Variants in MIA2 observed in about 807,000 individuals in gnomAD.
MIA2 encodes melanoma inhibitory activity protein 2.
Under a neutral mutation model 167.8 loss-of-function variants are expected in MIA2, and 127 were observed. The ratio of observed to expected loss-of-function variants is 0.76; its 90% CI spans 0.66 to 0.88. MIA2 has a LOEUF of 0.88. Among genes scored for constraint, MIA2 ranks in the 40% least tolerant of loss-of-function variants. MIA2 has a pLI of 0.00. For synonymous variants in MIA2, 552 were observed against 541.9 expected (o/e 1.02, Z -0.26); for missense variants, 1,690 against 1,624.7 (o/e 1.04, Z -0.69).
chr14:39,288,761 A>G (rs944605044), intron 9 of MIA2, among the ~76,000 whole-genome samples: 2 of 151,790 alleles, frequency 1.3e-5, no homozygotes, highest in East Asian at 1.9e-4. Context: ...GTGCCGGCCA[A>G]TTTGCATATA....
chr14:39,305,046 C>T (rs1261361325), intron 17 of MIA2, among the ~76,000 whole-genome samples: 1 of 152,146 alleles, frequency 6.6e-6, no homozygotes, highest in Non-Finnish European at 1.5e-5. Context: ...CAATGATTAT[C>T]TCTGAATATG....
At chr14:39,361,765 C>T (rs1273516322) in intron 23 of MIA2, among the ~76,000 whole-genome samples, 1 of 152,058 alleles carries the variant, frequency 6.6e-6, no homozygotes, top group Non-Finnish European at 1.5e-5. Context: ...TGATAGGAGT[C>T]ATAAAAGTGT....
intron 4 of MIA2, among the ~76,000 whole-genome samples, chr14:39,250,709 C>CAT (rs72114250): frequency 0.24 from 34,704 of 143,164 alleles, 4,905 homozygotes; most frequent in Non-Finnish European, 0.33. Flanking sequence ...AAAAAATATG[C>CAT]ATATATATAT....
intron 23 of MIA2, among the ~76,000 whole-genome samples, chr14:39,359,540 G>A (rs889760778): frequency 6.6e-6 from 1 of 152,136 alleles, no homozygotes; most frequent in Non-Finnish European, 1.5e-5. Context: ...CTCACACTCT[G>A]TGTGCTGCAC....
At chr14:39,375,339 C>T (rs114945611) in intron 23 of MIA2, among the ~76,000 whole-genome samples, 1,805 of 152,124 alleles carry the variant, frequency 0.012, 36 homozygotes, top group African/African-American at 0.04. Context: ...GAGTTTTTGC[C>T]ATGTTAAATT....
In MIA2 at chr14:39,364,228, C is replaced by T. The variant is rs149800570; in HGVS notation, c.2248+15251C>T. 6.3e-4 allele frequency among the ~76,000 whole-genome samples: 95 copies of T among 151,904 alleles called. 1 individual carries two copies. The East Asian group carries it at 0.015, about 23-fold the overall frequency. ...CAAAAATTAGCTGGGTGTGGTGGCG[C>T]GCGCCTGTAGTCCCAGCTACTCAGG... is the stretch of plus-strand genomic sequence containing the variant. On this transcript the variant is annotated intron_variant, in intron 23 of 23. Coordinates refer to the MIA2 transcript ENST00000341502.
Position 39,247,413 on chromosome 14 carries a change from CTGA to C in MIA2, c.840_842del (p.Glu281del). 6.2e-7 allele frequency: 1 copy of C among 1,614,076 alleles called. No homozygotes were observed. Among genetic ancestry groups the C allele is most frequent in the Non-Finnish European group, 8.5e-7 (1 of 1,180,018 alleles). ...CCTCAAACAGAACATCAGCAAGAATCTGAATCAGAAATTGATTCAGTGCCAAAG... is the reference window on the plus strand; with the variant it reads ...CCTCAAACAGAACATCAGCAAGAATCATCAGAAATTGATTCAGTGCCAAAG... On this transcript the variant is annotated inframe_deletion, in exon 4 of 29. Transcript: ENST00000640607.
chr14:39,374,591 T>G (rs921369481), intron 23 of MIA2, among the ~76,000 whole-genome samples: 1 of 152,088 alleles, frequency 6.6e-6, no homozygotes, highest in South Asian at 2.1e-4. Context: ...TCTATAGATA[T>G]AAATATTTTG....
intron 6 of MIA2, among the ~76,000 whole-genome samples, chr14:39,275,181 G>A (rs896798341): frequency 7.3e-6 from 1 of 136,830 alleles, no homozygotes; most frequent in Middle Eastern, 3.5e-3. Flanking sequence ...GTCCAGTTTT[G>A]TTTTGTCACC....
intron 3 of MIA2, among the ~76,000 whole-genome samples, chr14:39,246,434 T>G (rs1353265074): frequency 2.0e-5 from 3 of 152,122 alleles, no homozygotes; most frequent in African/African-American, 7.2e-5. Flanking sequence ...TAAATCATAA[T>G]GGGCCTGGGG....
At chr14:39,289,947 T>C (rs1167951668) in intron 9 of MIA2, among the ~76,000 whole-genome samples, 6 of 152,242 alleles carry the variant, frequency 3.9e-5, no homozygotes, top group Non-Finnish European at 8.8e-5. Flanking sequence ...ATCATTCTTT[T>C]CTAAGTTTGG....
At chr14:39,254,307 T>C (rs923700249) in intron 6 of MIA2, among the ~76,000 whole-genome samples, 76 of 152,182 alleles carry the variant, frequency 5.0e-4, no homozygotes, top group African/African-American at 1.8e-3. Context: ...TGATTGAACA[T>C]AGGCTGAAGT....
At chr14:39,332,063 A>C (rs936053677) in intron 25 of MIA2, among the ~76,000 whole-genome samples, 3 of 152,168 alleles carry the variant, frequency 2.0e-5, no homozygotes, top group African/African-American at 7.2e-5. Context: ...TCTCCCGATC[A>C]CTTTCAGGTA....
chr14:39,304,244 TG>T, intron 16 of MIA2, 46 bp from the exon 17 acceptor site: 1 of 869,078 alleles, frequency 1.2e-6, no homozygotes, highest in Non-Finnish European at 1.8e-6. Flanking sequence ...TTTATTTTTT[TG>T]TATAACTGAT....
chr14:39,361,573 G>C (rs993448997), intron 23 of MIA2, among the ~76,000 whole-genome samples: 2 of 151,854 alleles, frequency 1.3e-5, no homozygotes, highest in African/African-American at 4.8e-5. Flanking sequence ...TGAGTATCTG[G>C]GATTACAGAT....
At chr14:39,338,582 C>T (rs2071032677) in intron 25 of MIA2, among the ~76,000 whole-genome samples, 1 of 152,004 alleles carries the variant, frequency 6.6e-6, no homozygotes, top group African/African-American at 2.4e-5. Flanking sequence ...TGATAATATT[C>T]ACATATCATA....
intron 23 of MIA2, among the ~76,000 whole-genome samples, chr14:39,319,530 A>G (rs188035413): frequency 2.6e-5 from 4 of 152,026 alleles, no homozygotes; most frequent in African/African-American, 7.2e-5. Context: ...GTAAGATGAT[A>G]CATATTTAGT....
At chr14:39,246,160 G>A (rs534636623) in intron 3 of MIA2, among the ~76,000 whole-genome samples, 83 of 150,818 alleles carry the variant, frequency 5.5e-4, no homozygotes, top group South Asian at 1.0e-3. Context: ...GCATTGGTGC[G>A]ATCTTGGCTC....
intron 6 of MIA2, chr14:39,267,370 T>C: frequency 6.3e-7 from 1 of 1,593,952 alleles, no homozygotes; most frequent in Non-Finnish European, 8.5e-7. Context: ...GGATTCGGGT[T>C]CCGGACCGAA....
Sources: gnomAD v4.1 joint callset for allele counts (sites outside exome capture counted in the v4.1 genomes callset) on GRCh38, gnomAD v4.1.1 for gene constraint, MANE v1.5 for transcripts, NCBI Gene and HGNC (gene_info 2026-07-23, HGNC 2026-07-21) for gene names.